Variants in NLGN1 observed in about 807,000 individuals in gnomAD.
NLGN1 encodes neuroligin 1, also known as neuroligin-1.
NLGN1 carries 12 observed loss-of-function variants against 65.5 expected under a neutral mutation model. That is an observed-to-expected ratio of 0.18 (90% CI 0.12 to 0.30). The LOEUF (loss-of-function observed/expected upper bound fraction) is 0.30, where lower values mean the gene tolerates loss of function less well. NLGN1 is among the 10% of genes least tolerant of loss of function. The pLI is 1.00. For missense variants in NLGN1, 750 were observed against 1,007.1 expected, an observed-to-expected ratio of 0.74 and a Z score of 3.46; for synonymous variants, 350 against 359.5, an observed-to-expected ratio of 0.97 and a Z score of 0.30.
intron 4 of NLGN1, among the ~76,000 whole-genome samples, chr3:174,104,697 T>C (rs1456983264): frequency 6.6e-6 from 1 of 152,122 alleles, no homozygotes; most frequent in Non-Finnish European, 1.5e-5. Context: ...AGAGAAAAGA[T>C]AGGATTTGAG....
At chr3:174,062,176 G>C (rs1443146096) in intron 4 of NLGN1, among the ~76,000 whole-genome samples, 1 of 152,042 alleles carries the variant, frequency 6.6e-6, no homozygotes, top group African/African-American at 2.4e-5. Context: ...TTAACTGAGT[G>C]TTTAAAAGGT....
At chr3:174,166,216 A>G (rs1386543626) in intron 4 of NLGN1, among the ~76,000 whole-genome samples, 3 of 151,466 alleles carry the variant, frequency 2.0e-5, no homozygotes, top group Non-Finnish European at 3.0e-5. Flanking sequence ...GATTTTAGTT[A>G]TTTCTTTTCT....
intron 4 of NLGN1, among the ~76,000 whole-genome samples, chr3:174,143,215 T>C (rs1427872994): frequency 6.6e-6 from 1 of 152,110 alleles, no homozygotes; most frequent in Non-Finnish European, 1.5e-5. Context: ...TATCAATCAG[T>C]AATATTATTT....
intron 4 of NLGN1, among the ~76,000 whole-genome samples, chr3:173,942,107 GGGGTGT>G (rs764107348): frequency 3.2e-4 from 41 of 128,964 alleles, no homozygotes; most frequent in Admixed American, 2.4e-4. Context: ...TTGGTGGTTG[GGGGTGT>G]GTGTGTGTGT....
At chr3:174,037,333 G>T (rs981260639) in intron 4 of NLGN1, among the ~76,000 whole-genome samples, 17 of 152,026 alleles carry the variant, frequency 1.1e-4, no homozygotes, top group African/African-American at 4.1e-4. Context: ...ACTTTCATTT[G>T]CCTTTGTTTC....
intron 2 of NLGN1, among the ~76,000 whole-genome samples, chr3:173,567,945 G>A (rs1684927134): frequency 6.6e-6 from 1 of 152,034 alleles, no homozygotes; most frequent in Non-Finnish European, 1.5e-5. Context: ...AATGAATAAT[G>A]AAAAATATTT....
intron 3 of NLGN1, among the ~76,000 whole-genome samples, chr3:173,687,375 CTAGAAGATGGATAAAA>C (rs1305928850): frequency 2.0e-5 from 3 of 152,174 alleles, no homozygotes; most frequent in Non-Finnish European, 4.4e-5. Flanking sequence ...TATGGCTTCA[CTAGAAGATGGATAAAA>C]TAGTCAGATG....
chr3:173,517,844 G>A (rs191139230), intron 2 of NLGN1, among the ~76,000 whole-genome samples: 114 of 151,502 alleles, frequency 7.5e-4, no homozygotes, highest in Middle Eastern at 3.4e-3. Context: ...AATATAGCAT[G>A]CCCTATTTTC....
intron 4 of NLGN1, among the ~76,000 whole-genome samples, chr3:174,123,128 C>T (rs1473999296): frequency 6.6e-6 from 1 of 151,854 alleles, no homozygotes; most frequent in Non-Finnish European, 1.5e-5. Context: ...GTAAATTCAC[C>T]TACCACGAGA....
chr3:173,643,178 G>A (rs575912380), intron 3 of NLGN1, among the ~76,000 whole-genome samples: 14 of 152,304 alleles, frequency 9.2e-5, no homozygotes, highest in Non-Finnish European at 2.1e-4. Context: ...CGACCTATCT[G>A]TGGCACAACT....
intron 4 of NLGN1, among the ~76,000 whole-genome samples, chr3:174,064,244 T>C (rs1738019409): frequency 6.6e-6 from 1 of 152,052 alleles, no homozygotes; most frequent in Non-Finnish European, 1.5e-5. Context: ...AAGACAACAC[T>C]TTTTTCCCAA....
chr3:174,086,662 A>G (rs1308411594), intron 4 of NLGN1, among the ~76,000 whole-genome samples: 2 of 151,948 alleles, frequency 1.3e-5, no homozygotes, highest in Non-Finnish European at 2.9e-5. Flanking sequence ...GGTGAAATTT[A>G]TGGAATTTTT....
At chr3:173,674,183 T>C (rs952304116) in intron 3 of NLGN1, among the ~76,000 whole-genome samples, 2 of 152,128 alleles carry the variant, frequency 1.3e-5, no homozygotes, top group African/African-American at 4.8e-5. Context: ...TCTGAAGTAA[T>C]GAGAGGTAAA....
In NLGN1 at chr3:173,953,134, C is replaced by T. The variant is rs140938318; in HGVS notation, c.646+145302C>T. Among the ~76,000 whole-genome samples, 1,168 of 152,260 alleles carry T rather than the reference C, an allele frequency of 7.7e-3. 4 individuals carry two copies. Among genetic ancestry groups the T allele is most frequent in the Non-Finnish European group, 0.011 (719 of 68,024 alleles). On this transcript the variant is annotated intron_variant, in intron 4 of 6. Coordinates refer to ENST00000457714, the Ensembl canonical transcript of NLGN1. ...CCATGATTACTCTGCTGTTTATCAG[C>T]AGTCAGAGTAGCTTAGAATTATCTA...
chr3:173,551,660 G>T (rs1207509686), intron 2 of NLGN1, among the ~76,000 whole-genome samples: 2 of 152,134 alleles, frequency 1.3e-5, no homozygotes, highest in African/African-American at 4.8e-5. Context: ...AACTTTTTAT[G>T]GAGTAATGTG....
chr3:174,197,005 T>C (rs1052329011), intron 4 of NLGN1, among the ~76,000 whole-genome samples: 1 of 152,186 alleles, frequency 6.6e-6, no homozygotes, highest in Admixed American at 6.5e-5. Flanking sequence ...TATTTAATTT[T>C]GTCAATTTAT....
At chr3:174,102,784 G>A (rs916523467) in intron 4 of NLGN1, among the ~76,000 whole-genome samples, 2 of 152,088 alleles carry the variant, frequency 1.3e-5, no homozygotes, top group Non-Finnish European at 2.9e-5. Context: ...AATGGTGCCT[G>A]ATCTATTTGA....
Position 174,280,853 on chromosome 3 carries a change from A to G in NLGN1, c.2022A>G (p.Thr674=). The G allele has an allele frequency of 6.2e-7, 1 of 1,613,388 alleles. No individual in the cohort carries two copies. Among genetic ancestry groups the G allele is most frequent in the Non-Finnish European group, 8.5e-7 (1 of 1,179,560 alleles). Residue 674 remains threonine, a synonymous_variant, in exon 7 of 7, where the codon ACA becomes ACG. Coordinates refer to ENST00000457714, the Ensembl canonical transcript of NLGN1. This position sits in a 1 kb window ranked among gnomAD's most constrained non-coding sequence, Gnocchi z 4.9. Reference sequence around the variant, plus strand: ...CAGTGGATCAAAGGGACTACTCAACAGAGCTGAGTGTCACTATTGCAGTTG... The same window carrying G: ...CAGTGGATCAAAGGGACTACTCAACGGAGCTGAGTGTCACTATTGCAGTTG...
chr3:174,195,890 T>G (rs1306441305), intron 4 of NLGN1, among the ~76,000 whole-genome samples: 1 of 152,182 alleles, frequency 6.6e-6, no homozygotes, highest in Non-Finnish European at 1.5e-5. Flanking sequence ...GATTAGGGCA[T>G]GGACTCACTC....
Sources: gnomAD v4.1 joint callset for allele counts (sites outside exome capture counted in the v4.1 genomes callset) on GRCh38, gnomAD v4.1.1 for gene constraint, Gnocchi (gnomAD v3.1) non-coding constraint, MANE v1.5 for transcripts, NCBI Gene and HGNC (gene_info 2026-07-23, HGNC 2026-07-21) for gene names.